FRMD3: variants seen among roughly 807,000 people sequenced by gnomAD.
FRMD3 encodes FERM domain containing 3, also known as FERM domain-containing protein 3.
A neutral mutation model predicts 70.2 loss-of-function variants in FRMD3; 33 were observed. The observed-to-expected ratio is 0.47, with a 90% CI of 0.36 to 0.63. The LOEUF (loss-of-function observed/expected upper bound fraction) is 0.63, where lower values mean the gene tolerates loss of function less well. FRMD3 is among the 20% of genes least tolerant of loss of function. The probability of loss-of-function intolerance (pLI) is 0.00; values close to 1 mark genes in which losing one functional copy is unlikely to be tolerated. For synonymous variants in FRMD3, 279 were observed against 255.9 expected, an observed-to-expected ratio of 1.09 and a Z score of -0.86; for missense variants, 632 against 711.4, an observed-to-expected ratio of 0.89 and a Z score of 1.27.
chr9:83,286,279 A>C (rs1563995204), intron 13 of FRMD3, among the ~76,000 whole-genome samples: 1 of 152,148 alleles, frequency 6.6e-6, no homozygotes, highest in South Asian at 2.1e-4. Context: ...AGATTCCATA[A>C]GTTAAGACTT....
At chr9:83,419,449 A>AGAGT (rs138264604) in intron 1 of FRMD3, among the ~76,000 whole-genome samples, 7 of 148,512 alleles carry the variant, frequency 4.7e-5, no homozygotes, top group East Asian at 4.0e-4. Context: ...GCTGTGAGAG[A>AGAGT]GTGTGTGTGT....
chr9:83,405,807 ATGCC>A (rs1237549768), intron 1 of FRMD3, among the ~76,000 whole-genome samples: 3 of 151,644 alleles, frequency 2.0e-5, no homozygotes, highest in African/African-American at 7.3e-5. Context: ...CTCCAAGCCC[ATGCC>A]TGCAGTGAGG....
rs765189999 is a variant in FRMD3, at chr9:83,245,122, G to A, written c.*2796C>T. On this transcript the variant is annotated 3_prime_UTR_variant, in exon 14 of 14. Transcript: ENST00000304195. ...TAATACATCTCAAATTCCTCAATTA[G>A]GGCAAAATAAGCACAATTATGCATG... The A allele has an allele frequency of 6.1e-6, 6 of 985,094 alleles. No individual in the cohort carries two copies. Among genetic ancestry groups the A allele is most frequent in the Non-Finnish European group, 7.2e-6 (6 of 829,868 alleles). The allele number at this position is 985,094 out of a possible 1,614,324, so 61.0% of individuals were successfully genotyped here.
chr9:83,381,319 C>T (rs1349964724), intron 2 of FRMD3, among the ~76,000 whole-genome samples: 1 of 152,136 alleles, frequency 6.6e-6, no homozygotes, highest in African/African-American at 2.4e-5. Context: ...CTTTCGGAGG[C>T]CAAGGTGGGC....
At chr9:83,260,588 T>C (rs1199775555) in intron 13 of FRMD3, among the ~76,000 whole-genome samples, 1 of 152,166 alleles carries the variant, frequency 6.6e-6, no homozygotes, top group African/African-American at 2.4e-5. Context: ...CACTCTCAAA[T>C]AAATTTTATG....
the FRMD3 span, among the ~76,000 whole-genome samples, chr9:83,564,740 T>A: frequency 1.3e-5 from 2 of 152,162 alleles, no homozygotes; most frequent in Admixed American, 1.3e-4. Flanking sequence ...ATATCCCTGA[T>A]TGCTGGCACA....
the FRMD3 span, among the ~76,000 whole-genome samples, chr9:83,584,382 T>C: frequency 2.4e-4 from 37 of 151,826 alleles, no homozygotes; most frequent in Non-Finnish European, 3.2e-4. Flanking sequence ...TCCTCCTCCT[T>C]GTCTTACTCC....
At chr9:83,556,018 G>C in the FRMD3 span, among the ~76,000 whole-genome samples, 3 of 152,144 alleles carry the variant, frequency 2.0e-5, no homozygotes, top group African/African-American at 7.2e-5. Context: ...GGGTCAAACT[G>C]TTTCCTTGAT....
chr9:83,333,730 G>A (rs1305225797), intron 6 of FRMD3, among the ~76,000 whole-genome samples: 3 of 152,058 alleles, frequency 2.0e-5, no homozygotes, highest in South Asian at 4.1e-4. Context: ...ACACCTACCC[G>A]ACTACCTGAT....
At chr9:83,253,104 A>C (rs927831739) in intron 13 of FRMD3, among the ~76,000 whole-genome samples, 2 of 152,266 alleles carry the variant, frequency 1.3e-5, no homozygotes, top group African/African-American at 4.8e-5. Context: ...TTACTCTAAA[A>C]TTGATCACAT....
intron 1 of FRMD3, among the ~76,000 whole-genome samples, chr9:83,481,562 G>C (rs983681284): frequency 2.0e-5 from 3 of 152,162 alleles, no homozygotes; most frequent in African/African-American, 7.2e-5. Context: ...ATATGGAAGA[G>C]GGTACTACTC....
At chr9:83,511,679 T>C (rs908206845) in intron 1 of FRMD3, among the ~76,000 whole-genome samples, 2 of 152,196 alleles carry the variant, frequency 1.3e-5, no homozygotes, top group African/African-American at 4.8e-5. Flanking sequence ...CTCTTGGCTT[T>C]CATTTCAGCA....
intron 6 of FRMD3, among the ~76,000 whole-genome samples, chr9:83,331,143 C>G (rs959464616): frequency 6.6e-6 from 1 of 152,174 alleles, no homozygotes; most frequent in Non-Finnish European, 1.5e-5. Context: ...TACACAAAAA[C>G]CTACACACAG....
At chr9:83,341,136 C>A (rs1823740715) in intron 5 of FRMD3, among the ~76,000 whole-genome samples, 1 of 152,156 alleles carries the variant, frequency 6.6e-6, no homozygotes, top group Non-Finnish European at 1.5e-5. Context: ...GAATGACCTG[C>A]AGTGCTGCCG....
In FRMD3 at chr9:83,537,448, T is replaced by G. The variant is rs1829921276; in HGVS notation, c.147+637A>C. Among the ~76,000 whole-genome samples, 1 of 152,156 alleles carries G rather than the reference T, an allele frequency of 6.6e-6. No homozygotes were observed. Among genetic ancestry groups the G allele is most frequent in the Non-Finnish European group, 1.5e-5 (1 of 68,014 alleles). On this transcript the variant is annotated intron_variant, in intron 1 of 13. Transcript: ENST00000304195. The surrounding 1 kb of genome is among the most constrained non-coding windows in gnomAD (Gnocchi z 4.1). ...CTTCACACATTCCTTTCGAGGTAGCTCCAGTCCGGCGCAGCGCGCGCTCCA... is the reference window on the plus strand; with the variant it reads ...CTTCACACATTCCTTTCGAGGTAGCGCCAGTCCGGCGCAGCGCGCGCTCCA...
At chr9:83,569,206 T>A in the FRMD3 span, among the ~76,000 whole-genome samples, 3 of 152,308 alleles carry the variant, frequency 2.0e-5, no homozygotes, top group East Asian at 5.8e-4. Flanking sequence ...TAAGAAGATA[T>A]CTGTGCTCAG....
At chr9:83,366,750 A>T (rs968910384) in intron 3 of FRMD3, among the ~76,000 whole-genome samples, 1 of 152,236 alleles carries the variant, frequency 6.6e-6, no homozygotes, top group Non-Finnish European at 1.5e-5. Flanking sequence ...AAGTTTTTTC[A>T]TGCTAATATA....
intron 1 of FRMD3, among the ~76,000 whole-genome samples, chr9:83,391,624 T>G (rs1377491933): frequency 1.3e-5 from 2 of 152,200 alleles, no homozygotes; most frequent in Non-Finnish European, 2.9e-5. Flanking sequence ...AACAAAGATT[T>G]TTTTTAAGGA....
At position 83,537,984 on chromosome 9, in the gene FRMD3, C is replaced by G. The variant is rs905365669; in HGVS notation, c.147+101G>C. On this transcript the variant is annotated intron_variant, in intron 1 of 13. Coordinates refer to ENST00000304195, the MANE Select transcript of FRMD3 (RefSeq NM_174938.6). The surrounding 1 kb of genome is among the most constrained non-coding windows in gnomAD (Gnocchi z 4.1). Reference sequence around the variant, plus strand: ...TCTGGCTTTCTAGCAGTCCCCCAATCCCCTCCGGGAGTGGGTTCCTTGTTC... The same window carrying G: ...TCTGGCTTTCTAGCAGTCCCCCAATGCCCTCCGGGAGTGGGTTCCTTGTTC... 1.5e-6 allele frequency: 2 copies of G among 1,348,984 alleles called. No individual in the cohort carries two copies. The highest frequency in any genetic ancestry group is 2.0e-6 in the Non-Finnish European group (2 of 975,932). The allele number at this position is 1,348,984 out of a possible 1,614,324, so 83.6% of individuals were successfully genotyped here. A position where few individuals can be genotyped will look rare whatever the true frequency, so the allele number is the denominator to read the frequency against.
Sources: gnomAD v4.1 joint callset for allele counts (sites outside exome capture counted in the v4.1 genomes callset) on GRCh38, gnomAD v4.1.1 for gene constraint, Gnocchi (gnomAD v3.1) non-coding constraint, MANE v1.5 for transcripts, NCBI Gene and HGNC (gene_info 2026-07-23, HGNC 2026-07-21) for gene names.